HINFP: variants seen among roughly 807,000 people sequenced by gnomAD.
HINFP encodes histone H4 transcription factor, also known as MBD2 (methyl-CpG-binding protein)-interacting zinc finger protein.
Under a neutral mutation model 50.1 loss-of-function variants are expected in HINFP, and 20 were observed. The observed-to-expected ratio is 0.40, with a 90% CI of 0.28 to 0.58. The LOEUF is 0.58. Among genes scored for constraint, HINFP ranks in the 20% least tolerant of loss-of-function variants. The pLI, the probability that HINFP is intolerant of heterozygous loss-of-function variation, is 0.45. For synonymous variants in HINFP, 247 were observed against 243.7 expected (o/e 1.01, Z -0.13); for missense variants, 505 against 664.1 (o/e 0.76, Z 2.63).
intron 2 of HINFP, chr11:119,127,417 G>T: frequency 7.5e-6 from 1 of 133,086 alleles, no homozygotes; most frequent in African/African-American, 6.6e-5. Flanking sequence ...ACAGATGAAT[G>T]TGCTTTTTTT....
intron 3 of HINFP, 42 bp downstream of exon 3, chr11:119,130,996 G>A (rs779727352): frequency 9.9e-6 from 15 of 1,511,304 alleles, no homozygotes; most frequent in Admixed American, 1.7e-5. Context: ...AGGAAGCTGG[G>A]GGTCTTAACT....
At chr11:119,121,748 C>T (rs960887368) in intron 1 of HINFP, 109 bp downstream of exon 1, 1 of 152,528 alleles carries the variant, frequency 6.6e-6, no homozygotes, top group Non-Finnish European at 1.5e-5. Flanking sequence ...CTGGTCCGGT[C>T]CCCTCACCCC....
intron 1 of HINFP, chr11:119,122,069 A>T (rs1947096161): frequency 6.6e-6 from 1 of 152,162 alleles, no homozygotes; most frequent in African/African-American, 2.4e-5. Flanking sequence ...TGGCCAAATT[A>T]TGAGTTCTTA....
intron 5 of HINFP, 121 bp downstream of exon 5, chr11:119,132,103 G>C: frequency 9.4e-7 from 1 of 1,060,466 alleles, no homozygotes; most frequent in Non-Finnish European, 1.4e-6. Context: ...TTCTTTTTGG[G>C]CTCAGGCACC....
Position 119,134,779 on chromosome 11 carries a change from A to C in HINFP, c.*281A>C. The C allele has an allele frequency of 5.9e-6, 2 of 339,820 alleles. No homozygotes were observed. The highest frequency in any genetic ancestry group is 1.1e-5 in the Non-Finnish European group (2 of 184,422). 21.1% of individuals were successfully genotyped at this position (339,820 alleles called of 1,614,324 possible). A position where few individuals can be genotyped will look rare whatever the true frequency, so the allele number is the denominator to read the frequency against. ...GAGGCTGTTATCAGGCTTAACCATAACCCTCAAGATCTGCTTGACAGTGAT... is the reference window on the plus strand; with the variant it reads ...GAGGCTGTTATCAGGCTTAACCATACCCCTCAAGATCTGCTTGACAGTGAT... On this transcript the variant is annotated 3_prime_UTR_variant, in exon 10 of 10. Transcript: ENST00000350777. This position sits in a 1 kb window ranked among gnomAD's most constrained non-coding sequence, Gnocchi z 4.3.
At chr11:119,130,129 G>A (rs1029686091) in intron 2 of HINFP, 2 of 152,672 alleles carry the variant, frequency 1.3e-5, no homozygotes, top group African/African-American at 4.8e-5. Flanking sequence ...AGGGGAAGGA[G>A]GAGTGGTGGT....
rs148361757 is a variant in HINFP, at chr11:119,132,042, C to T, written c.676+60C>T. 7.8e-4 allele frequency: 1,242 copies of T among 1,588,576 alleles called. 6 individuals carry two copies. In the East Asian group the frequency reaches 9.0e-3, roughly 11 times the overall value. On this transcript the variant is annotated intron_variant, in intron 5 of 9. Transcript: ENST00000350777. ...TGTCCTGCTTGGAATGGGTTAGGGG[C>T]ATGTTTCTAGTGGGGGTGGCCACTG...
intron 1 of HINFP, chr11:119,126,146 A>G (rs1947384698): frequency 2.6e-5 from 4 of 152,182 alleles, no homozygotes; most frequent in Admixed American, 2.6e-4. Context: ...TGAGGGCAGG[A>G]GTTTGAGACC....
intron 8 of HINFP, 28 bp downstream of exon 8, chr11:119,133,030 T>A (rs1947864161): frequency 1.2e-6 from 2 of 1,614,234 alleles, no homozygotes; most frequent in Non-Finnish European, 1.7e-6. Flanking sequence ...TGGGAAGGAC[T>A]AGTGGAAGTA....
intron 2 of HINFP, among the ~76,000 whole-genome samples, chr11:119,128,028 A>G (rs746328062): frequency 6.6e-6 from 1 of 151,492 alleles, no homozygotes; most frequent in Non-Finnish European, 1.5e-5. Context: ...TAATTTTTGT[A>G]CTTTTAGTAG....
chr11:119,134,728 T>C lies in HINFP; in HGVS notation c.*230T>C. The C allele has an allele frequency of 2.1e-6, 1 of 483,858 alleles. No individual in the cohort carries two copies. 30.0% of individuals were successfully genotyped at this position (483,858 alleles called of 1,614,324 possible). A position where few individuals can be genotyped will look rare whatever the true frequency, so the allele number is the denominator to read the frequency against. ...GAGGACTCTGGATTCTTTGAGGGGA[T>C]CCTGGATGTGTGTGTTCTTGTTAAA... On this transcript the variant is annotated 3_prime_UTR_variant, in exon 10 of 10. Coordinates refer to ENST00000350777, the MANE Select transcript of HINFP (RefSeq NM_198971.3). The surrounding 1 kb of genome is among the most constrained non-coding windows in gnomAD (Gnocchi z 4.3).
intron 2 of HINFP, among the ~76,000 whole-genome samples, chr11:119,128,933 T>C (rs1320077154): frequency 1.3e-5 from 2 of 151,958 alleles, no homozygotes; most frequent in East Asian, 1.9e-4. Flanking sequence ...GGCACTATTA[T>C]TATACCCATT....
At chr11:119,130,280 G>A (rs1947680212) in intron 2 of HINFP, 1 of 191,008 alleles carries the variant, frequency 5.2e-6, no homozygotes, top group Non-Finnish European at 1.1e-5. Flanking sequence ...TCTCACCTCT[G>A]CCTAGACCAC....
chr11:119,123,128 CAAAAAAAAAA>C (rs1174844499), intron 1 of HINFP, among the ~76,000 whole-genome samples: 9 of 76,806 alleles, frequency 1.2e-4, no homozygotes, highest in African/African-American at 1.1e-4. Flanking sequence ...ACTCCATCTC[CAAAAAAAAAA>C]AAAAAAAAAA....
intron 5 of HINFP, 194 bp from the exon 6 acceptor site, chr11:119,132,302 G>A (rs1441107132): frequency 4.8e-6 from 3 of 629,732 alleles, no homozygotes; most frequent in East Asian, 2.7e-5. Flanking sequence ...CAGCTAGTAA[G>A]TGGTGAAGCT....
chr11:119,124,259 A>G (rs1223426422), intron 1 of HINFP: 1 of 152,250 alleles, frequency 6.6e-6, no homozygotes, highest in African/African-American at 2.4e-5. Flanking sequence ...TAGTGGGTTC[A>G]GAAAAGCCTG....
chr11:119,133,122 CAT>C lies in HINFP; in HGVS notation c.1043_1044del (p.His348ArgfsTer3). The C allele has an allele frequency of 6.2e-7, 1 of 1,614,268 alleles. No homozygotes were observed. The highest frequency in any genetic ancestry group is 8.5e-7 in the Non-Finnish European group (1 of 1,180,056). ...EGDSEPRYKC[H>X]VCDKCFTRGN... ...AGACTCTGAGCCAAGGTACAAATGT[CAT>C]GTGTGTGACAAATGCTTCACACGGG... On this transcript the variant is annotated frameshift_variant, in exon 9 of 10. Transcript: ENST00000350777. LOFTEE classifies it high-confidence loss of function.
chr11:119,131,870 G>A lies in HINFP; in HGVS notation c.564G>A (p.Glu188=). The A allele has an allele frequency of 6.2e-7, 1 of 1,614,178 alleles. No individual in the cohort carries two copies. The highest frequency in any genetic ancestry group is 8.5e-7 in the Non-Finnish European group (1 of 1,180,040). ...TCAAGGACCGCAGTAAACTTCGAGAGCACCTCCGCAGCCATACCCAGGAGA... is the reference window on the plus strand; with the variant it reads ...TCAAGGACCGCAGTAAACTTCGAGAACACCTCCGCAGCCATACCCAGGAGA... ...CTFKDRSKLR[E]HLRSHTQEKV... Residue 188 remains glutamate (E), a synonymous_variant, in exon 5 of 10, where the codon GAG becomes GAA. Transcript: ENST00000350777. This position sits in a 1 kb window ranked among gnomAD's most constrained non-coding sequence, Gnocchi z 4.2.
chr11:119,132,838 C>G (rs1315303642), intron 7 of HINFP, 26 bp from the exon 8 acceptor site: 1 of 1,614,122 alleles, frequency 6.2e-7, no homozygotes, highest in Non-Finnish European at 8.5e-7. Flanking sequence ...CCATGTCCTC[C>G]AATCCCTCCT....
Sources: allele counts gnomAD v4.1 joint callset (sites outside exome capture counted in the v4.1 genomes callset), GRCh38; gene constraint gnomAD v4.1.1; non-coding constraint Gnocchi (gnomAD v3.1); transcripts MANE v1.5; gene names NCBI Gene and HGNC (gene_info 2026-07-23, HGNC 2026-07-21).